LYPLAL1: variants seen among roughly 807,000 people sequenced by gnomAD.
LYPLAL1 encodes the protein lysophospholipase like 1.
In LYPLAL1, 23 loss-of-function variants were observed where a neutral mutation model predicts 19.7. The ratio of observed to expected loss-of-function variants is 1.17; its 90% confidence interval spans 0.84 to 1.65. LYPLAL1 has a LOEUF of 1.65. LYPLAL1 is among the 40% of genes most tolerant of loss of function. The probability of loss-of-function intolerance (pLI) is 0.00; values close to 1 mark genes in which losing one functional copy is unlikely to be tolerated. For missense variants in LYPLAL1, 355 were observed against 279.4 expected (o/e 1.27, Z -1.93); for synonymous variants, 119 against 96.3 (o/e 1.24, Z -1.38).
At chr1:219,265,276 A>G in the LYPLAL1 span, among the ~76,000 whole-genome samples, 1 of 152,214 alleles carries the variant, frequency 6.6e-6, no homozygotes, top group Non-Finnish European at 1.5e-5. Flanking sequence ...CATAAATAAT[A>G]AAGGCTTATT....
chr1:219,174,044 C>A, intron 1 of LYPLAL1, 63 bp downstream of exon 1: 1 of 1,601,034 alleles, frequency 6.2e-7, no homozygotes, highest in East Asian at 2.3e-5. Context: ...CTCGGTTACC[C>A]CAGTATTGCC....
At chr1:219,230,849 C>T in the LYPLAL1 span, among the ~76,000 whole-genome samples, 1 of 152,144 alleles carries the variant, frequency 6.6e-6, no homozygotes, top group Non-Finnish European at 1.5e-5. Context: ...ACCGTTCTAG[C>T]CCAAGAGCTG....
the LYPLAL1 span, among the ~76,000 whole-genome samples, chr1:219,396,704 TG>T: frequency 6.6e-6 from 1 of 152,188 alleles, no homozygotes; most frequent in Non-Finnish European, 1.5e-5. Context: ...TGAATGAAAT[TG>T]TGTTCTGATT....
chr1:219,203,702 C>A (rs1658306804), intron 3 of LYPLAL1, among the ~76,000 whole-genome samples: 1 of 152,204 alleles, frequency 6.6e-6, no homozygotes, highest in East Asian at 1.9e-4. Context: ...GGTGTACATC[C>A]CAAATCCTAG....
intron 2 of LYPLAL1, among the ~76,000 whole-genome samples, chr1:219,190,319 T>G (rs1224582773): frequency 6.6e-6 from 1 of 151,504 alleles, no homozygotes; most frequent in African/African-American, 2.4e-5. Flanking sequence ...TTTCACTGTT[T>G]GCTGAGAAGG....
the LYPLAL1 span, among the ~76,000 whole-genome samples, chr1:219,298,129 G>A: frequency 2.0e-5 from 3 of 152,052 alleles, no homozygotes; most frequent in South Asian, 2.1e-4. Flanking sequence ...GGGTAACATG[G>A]CGAAACCTCA....
At chr1:219,232,836 C>T in the LYPLAL1 span, among the ~76,000 whole-genome samples, 1 of 150,772 alleles carries the variant, frequency 6.6e-6, no homozygotes, top group Non-Finnish European at 1.5e-5. Flanking sequence ...CAATATATCA[C>T]TGCCCGTCTG....
At chr1:219,362,684 A>G in the LYPLAL1 span, among the ~76,000 whole-genome samples, 21 of 152,290 alleles carry the variant, frequency 1.4e-4, no homozygotes, top group South Asian at 4.4e-3. Context: ...AGTATAGGGA[A>G]CAATGAAAGC....
chr1:219,205,220 G>T (rs1409614970), intron 3 of LYPLAL1, among the ~76,000 whole-genome samples: 1 of 151,216 alleles, frequency 6.6e-6, no homozygotes, highest in Non-Finnish European at 1.5e-5. Flanking sequence ...AGCCGGGCGC[G>T]GTGGCGGGCG....
chr1:219,303,682 T>C, the LYPLAL1 span, among the ~76,000 whole-genome samples: 1 of 152,264 alleles, frequency 6.6e-6, no homozygotes, highest in African/African-American at 2.4e-5. Flanking sequence ...AACTCCTGGA[T>C]GTTTTCATAA....
the LYPLAL1 span, among the ~76,000 whole-genome samples, chr1:219,349,493 T>C: frequency 6.6e-6 from 1 of 152,196 alleles, no homozygotes; most frequent in Non-Finnish European, 1.5e-5. Flanking sequence ...GCCCATCCTC[T>C]GATAGGGAAA....
At chr1:219,220,255 CTCA>C in the LYPLAL1 span, among the ~76,000 whole-genome samples, 1,065 of 152,244 alleles carry the variant, frequency 7.0e-3, 11 homozygotes, top group African/African-American at 0.022. Flanking sequence ...GAGTAATGTA[CTCA>C]ACCAATTAGC....
At chr1:219,361,788 A>T in the LYPLAL1 span, among the ~76,000 whole-genome samples, 1 of 152,188 alleles carries the variant, frequency 6.6e-6, no homozygotes, top group Non-Finnish European at 1.5e-5. Flanking sequence ...AGTGAGGGGT[A>T]AAAGAACTTG....
the LYPLAL1 span, among the ~76,000 whole-genome samples, chr1:219,251,340 T>C: frequency 2.0e-5 from 3 of 152,058 alleles, no homozygotes; most frequent in Non-Finnish European, 4.4e-5. Flanking sequence ...GCTTTTGGTG[T>C]TTTTGTCATT....
In LYPLAL1 at chr1:219,192,930, C is replaced by T. The variant is rs1657296601; in HGVS notation, c.192-152C>T. 1.0e-5 allele frequency: 7 copies of T among 695,938 alleles called. No individual in the cohort carries two copies. The South Asian group carries it at 1.1e-4, about 11-fold the overall frequency. 43.1% of individuals were successfully genotyped at this position (695,938 alleles called of 1,614,324 possible). ...AGTATGGGATAGTTAATACAATATA[C>T]ATGAGAGTAGTTTTAATATGCATTT... On this transcript the variant is annotated intron_variant, in intron 2 of 4. Coordinates refer to ENST00000366928, the MANE Select transcript of LYPLAL1 (RefSeq NM_138794.5).
chr1:219,252,701 A>T, the LYPLAL1 span, among the ~76,000 whole-genome samples: 1 of 151,892 alleles, frequency 6.6e-6, no homozygotes, highest in South Asian at 2.1e-4. Context: ...TTTGTTGAGG[A>T]TTTTTGCATC....
the LYPLAL1 span, among the ~76,000 whole-genome samples, chr1:219,246,882 G>C: frequency 1.3e-5 from 2 of 152,242 alleles, no homozygotes; most frequent in African/African-American, 2.4e-5. Context: ...CACTGTGCCC[G>C]GCCTAACTTA....
chr1:219,384,660 G>A, the LYPLAL1 span, among the ~76,000 whole-genome samples: 17 of 152,308 alleles, frequency 1.1e-4, no homozygotes, highest in African/African-American at 3.6e-4. Context: ...GTGCTGTCAA[G>A]TATAGTATAA....
the LYPLAL1 span, among the ~76,000 whole-genome samples, chr1:219,322,100 TCTTCA>T: frequency 4.6e-5 from 7 of 152,202 alleles, no homozygotes; most frequent in Non-Finnish European, 7.3e-5. Context: ...TTCCCTAAAT[TCTTCA>T]CTTCAGTTTT....
Sources: allele counts gnomAD v4.1 joint callset (sites outside exome capture counted in the v4.1 genomes callset), GRCh38; gene constraint gnomAD v4.1.1; transcripts MANE v1.5; gene names NCBI Gene and HGNC (gene_info 2026-07-23, HGNC 2026-07-21).